AGBL1: variants seen among roughly 807,000 people sequenced by gnomAD.
AGBL1 encodes the protein cytosolic carboxypeptidase 4.
A neutral mutation model predicts 118.9 loss-of-function variants in AGBL1; 130 were observed. The observed-to-expected ratio is 1.09, with a 90% confidence interval of 0.95 to 1.26. AGBL1 has a LOEUF of 1.26. AGBL1 is among the 50% of genes most tolerant of loss of function. The pLI is 0.00. For synonymous variants in AGBL1, 555 were observed against 478.9 expected (o/e 1.16, Z -2.08); for missense variants, 1,584 against 1,298.1 (o/e 1.22, Z -3.38).
At chr15:86,790,193 G>C (rs2078471334) in intron 22 of AGBL1, among the ~76,000 whole-genome samples, 1 of 152,036 alleles carries the variant, frequency 6.6e-6, no homozygotes, top group Non-Finnish European at 1.5e-5. Context: ...GGTGAGGAAA[G>C]TACTGTGTTT....
chr15:86,786,374 G>T (rs2078413246), intron 22 of AGBL1, among the ~76,000 whole-genome samples: 1 of 152,074 alleles, frequency 6.6e-6, no homozygotes, highest in African/African-American at 2.4e-5. Flanking sequence ...CTGGGTTGTA[G>T]AAAGAGAGTG....
intron 22 of AGBL1, among the ~76,000 whole-genome samples, chr15:86,826,520 C>T (rs901786513): frequency 2.2e-4 from 33 of 151,984 alleles, no homozygotes; most frequent in African/African-American, 8.0e-4. Context: ...TTTAGAGTTC[C>T]CAGGAGGAGA....
intron 24 of AGBL1, among the ~76,000 whole-genome samples, chr15:86,996,331 C>A (rs972803877): frequency 6.6e-6 from 1 of 152,162 alleles, no homozygotes; most frequent in Non-Finnish European, 1.5e-5. Context: ...TACTAAGCCC[C>A]CCTCCCAAGG....
chr15:86,752,467 A>G (rs879085745), intron 22 of AGBL1, among the ~76,000 whole-genome samples: 1 of 152,034 alleles, frequency 6.6e-6, no homozygotes, highest in Admixed American at 6.6e-5. Context: ...TCCTGAGGTA[A>G]TGAGTTTGAG....
At chr15:86,256,300 CTT>C (rs977974765) in intron 7 of AGBL1, among the ~76,000 whole-genome samples, 6 of 152,206 alleles carry the variant, frequency 3.9e-5, no homozygotes, top group Non-Finnish European at 8.8e-5. Flanking sequence ...ACACTGTGGG[CTT>C]TGAGAAGAGG....
chr15:86,283,228 G>A (rs1219546595), intron 16 of AGBL1, among the ~76,000 whole-genome samples: 7 of 152,086 alleles, frequency 4.6e-5, no homozygotes, highest in African/African-American at 1.7e-4. Context: ...TAGCCCCTAG[G>A]TAGCCAGTAG....
At chr15:86,253,451 T>A (rs7182840) in intron 7 of AGBL1, among the ~76,000 whole-genome samples, 1 of 151,834 alleles carries the variant, frequency 6.6e-6, no homozygotes, top group South Asian at 2.1e-4. Context: ...GGATTTCACC[T>A]TGTTGGCCAG....
At chr15:86,312,674 G>A (rs1182749916) in intron 17 of AGBL1, among the ~76,000 whole-genome samples, 1 of 152,170 alleles carries the variant, frequency 6.6e-6, no homozygotes, top group Non-Finnish European at 1.5e-5. Flanking sequence ...CCAGGTGGCA[G>A]CTGTGGATTT....
chr15:86,536,761 C>T (rs1260231397), intron 19 of AGBL1, among the ~76,000 whole-genome samples: 2 of 152,162 alleles, frequency 1.3e-5, no homozygotes, highest in Non-Finnish European at 2.9e-5. Context: ...AAGCATTCCT[C>T]TTCAGCCTTT....
intron 5 of AGBL1, among the ~76,000 whole-genome samples, chr15:86,215,798 C>G (rs1255877613): frequency 6.6e-6 from 1 of 152,166 alleles, no homozygotes; most frequent in Admixed American, 6.6e-5. Context: ...TGAGATCACT[C>G]CAATTGTACC....
At chr15:86,397,654 T>C (rs2081388654) in intron 18 of AGBL1, 108 bp downstream of exon 18, 2 of 1,045,860 alleles carry the variant, frequency 1.9e-6, no homozygotes. Context: ...CTGTCGAGAA[T>C]AAACTCTTGG....
At chr15:86,694,388 T>G (rs1385419603) in intron 22 of AGBL1, among the ~76,000 whole-genome samples, 2 of 152,080 alleles carry the variant, frequency 1.3e-5, no homozygotes, top group Non-Finnish European at 2.9e-5. Flanking sequence ...TTGATTTGAT[T>G]CTCAGCTTGG....
chr15:86,256,458 AC>A (rs2078896911), intron 7 of AGBL1, among the ~76,000 whole-genome samples: 2 of 152,244 alleles, frequency 1.3e-5, no homozygotes, highest in Admixed American at 1.3e-4. Flanking sequence ...TCATTGCCTA[AC>A]GTAGGCAATA....
intron 17 of AGBL1, among the ~76,000 whole-genome samples, chr15:86,303,846 C>A (rs1419672857): frequency 6.6e-6 from 1 of 152,106 alleles, no homozygotes; most frequent in Non-Finnish European, 1.5e-5. Flanking sequence ...ATGACTAATA[C>A]CTCACAACAG....
In AGBL1 at chr15:86,247,688, G is replaced by A. The variant is rs759370949; in HGVS notation, c.544G>A (p.Ala182Thr). The A allele has an allele frequency of 1.9e-6, 3 of 1,608,918 alleles. No homozygotes were observed. ...GTTTTCAGAGTCGAACGGCCGCAGA[G>A]CAGTGAACCGAGGCTACGTCACCAG... ...LLKSKSNGRR[A>T]VNRGYVTSLL... The change falls in exon 7 of 23, where the codon GCA (alanine) becomes ACA (threonine). Residue 182 changes from alanine (A) to threonine (T), a missense_variant. Ala to Thr is a moderately conservative substitution (Grantham distance 58). Transcript: ENST00000614907.
chr15:86,743,191 T>C (rs1240095447), intron 22 of AGBL1, among the ~76,000 whole-genome samples: 1 of 152,192 alleles, frequency 6.6e-6, no homozygotes, highest in Non-Finnish European at 1.5e-5. Flanking sequence ...TCGATAGTTT[T>C]ATTAAGGTGT....
chr15:86,433,266 CTTTTTTTTTTTTTTTTT>C (rs59417397), intron 18 of AGBL1, among the ~76,000 whole-genome samples: 1 of 74,884 alleles, frequency 1.3e-5, no homozygotes. Flanking sequence ...CCTCCTTCTT[CTTTTTTTTTTTTTTTTT>C]TTTTTTTTTT....
At chr15:86,152,179 A>G (rs1172276737) in intron 3 of AGBL1, among the ~76,000 whole-genome samples, 2 of 152,194 alleles carry the variant, frequency 1.3e-5, no homozygotes, top group Non-Finnish European at 2.9e-5. Context: ...TTTAAATTTC[A>G]TATGGAATCA....
chr15:86,931,069 C>T lies in AGBL1; in HGVS notation c.3222-56918C>T, dbSNP rs770840212. ...TGCCGTCTTTTACTCCAAATTTCTT[C>T]CTCGGAGGCCTGGAAGGAGTCATCC... On this transcript the variant is annotated intron_variant, in intron 23 of 24. Transcript: ENST00000441037. Among the ~76,000 whole-genome samples the T allele has an allele frequency of 1.4e-4, 21 of 152,284 alleles. No individual in the cohort carries two copies. The Middle Eastern group carries it at 0.01, about 74-fold the overall frequency.
Sources: allele counts gnomAD v4.1 joint callset (sites outside exome capture counted in the v4.1 genomes callset), GRCh38; gene constraint gnomAD v4.1.1; transcripts MANE v1.5; gene names NCBI Gene and HGNC (gene_info 2026-07-23, HGNC 2026-07-21).